The following MCTP2 variants were observed in gnomAD, a reference collection of about 807,000 sequenced individuals.
MCTP2 encodes the protein multiple C2 and transmembrane domain-containing protein 2.
In MCTP2, 132 loss-of-function variants were observed where a neutral mutation model predicts 111.6. The observed-to-expected ratio is 1.18, with a 90% CI of 1.03 to 1.37. MCTP2 has a LOEUF of 1.37. Among genes scored for constraint, MCTP2 ranks in the 40% most tolerant of loss-of-function variants. The pLI is 0.00. For missense variants in MCTP2, 1,183 were observed against 1,067.9 expected, an observed-to-expected ratio of 1.11 and a Z score of -1.50; for synonymous variants, 395 against 387.7, an observed-to-expected ratio of 1.02 and a Z score of -0.22.
At chr15:94,433,458 A>G (rs2083298178) in intron 17 of MCTP2, among the ~76,000 whole-genome samples, 2 of 152,114 alleles carry the variant, frequency 1.3e-5, no homozygotes, top group African/African-American at 4.8e-5. Flanking sequence ...TGGTCCTAAC[A>G]TACGTGATTT....
intron 17 of MCTP2, among the ~76,000 whole-genome samples, chr15:94,406,046 A>G (rs2081880731): frequency 1.3e-5 from 2 of 152,198 alleles, no homozygotes; most frequent in Admixed American, 1.3e-4. Flanking sequence ...ATTTGTAAAT[A>G]TATGTGGTAT....
In MCTP2 at chr15:94,252,208, C is replaced by T. The variant is rs570231427; in HGVS notation, c.-66+20544C>T. ...GAACTGCTACATCATTTTTCCATAGCGGCTGTACCATTTTACATTTCCACC... is the reference window on the plus strand; with the variant it reads ...GAACTGCTACATCATTTTTCCATAGTGGCTGTACCATTTTACATTTCCACC... On this transcript the variant is annotated intron_variant, in intron 1 of 22. Transcript: ENST00000357742. Among the ~76,000 whole-genome samples, 5 of 152,264 alleles carry T rather than the reference C, an allele frequency of 3.3e-5. No homozygotes were observed. In the East Asian group the frequency reaches 5.8e-4, roughly 18 times the overall value.
At chr15:94,334,578 C>A (rs1420560305) in intron 4 of MCTP2, among the ~76,000 whole-genome samples, 1 of 152,202 alleles carries the variant, frequency 6.6e-6, no homozygotes, top group Non-Finnish European at 1.5e-5. Context: ...CCCTGTTAGC[C>A]AGGTTATAGT....
intron 5 of MCTP2, 85 bp from the exon 6 acceptor site, chr15:94,340,114 C>G: frequency 1.1e-6 from 1 of 892,816 alleles, no homozygotes; most frequent in Non-Finnish European, 1.8e-6. Flanking sequence ...TTCAGAATTT[C>G]CAACCTATTG....
intron 22 of MCTP2, among the ~76,000 whole-genome samples, chr15:94,477,668 G>A (rs951483092): frequency 6.6e-6 from 1 of 152,134 alleles, no homozygotes; most frequent in Admixed American, 6.5e-5. Flanking sequence ...TAGCATAATT[G>A]GTTCCCTGGC....
chr15:94,313,996 G>C (rs955725518), intron 2 of MCTP2, among the ~76,000 whole-genome samples: 13 of 152,220 alleles, frequency 8.5e-5, no homozygotes, highest in Non-Finnish European at 8.8e-5. Context: ...CTTTCTCTGG[G>C]AACAAAGCTA....
intron 4 of MCTP2, among the ~76,000 whole-genome samples, chr15:94,322,861 A>C (rs2076689829): frequency 2.0e-5 from 3 of 152,180 alleles, no homozygotes; most frequent in Admixed American, 2.0e-4. Context: ...ACAGCTCACA[A>C]ACCCCAAGAA....
chr15:94,384,139 C>T lies in MCTP2; in HGVS notation c.1685+15C>T. The T allele has an allele frequency of 6.3e-7, 1 of 1,575,172 alleles. No individual in the cohort carries two copies. The highest frequency in any genetic ancestry group is 8.7e-7 in the Non-Finnish European group (1 of 1,146,148). On this transcript the variant is annotated intron_variant, in intron 13 of 22. Transcript: ENST00000357742. ...GTTTTTACATTGTAAGTGCTTTAGC[C>T]TCTGGAATTATTTCTGCTGTGCTTG...
chr15:94,307,354 G>T (rs951110147), intron 2 of MCTP2, among the ~76,000 whole-genome samples: 3 of 152,122 alleles, frequency 2.0e-5, no homozygotes, highest in African/African-American at 7.2e-5. Flanking sequence ...AGATATGGAG[G>T]AGGTGAGGAA....
intron 12 of MCTP2, among the ~76,000 whole-genome samples, chr15:94,375,084 G>T (rs1224615372): frequency 6.6e-6 from 1 of 152,156 alleles, no homozygotes; most frequent in African/African-American, 2.4e-5. Context: ...TGCTTCTTGG[G>T]AAGTCTCAGG....
intron 4 of MCTP2, among the ~76,000 whole-genome samples, chr15:94,328,902 T>C (rs2077012421): frequency 6.6e-6 from 1 of 152,170 alleles, no homozygotes; most frequent in Admixed American, 6.5e-5. Context: ...ATTCCCATAT[T>C]GTGTGTGTGG....
chr15:94,408,239 G>C (rs1360459624), intron 17 of MCTP2, among the ~76,000 whole-genome samples: 1 of 152,092 alleles, frequency 6.6e-6, no homozygotes, highest in African/African-American at 2.4e-5. Context: ...TGCAGTTGAT[G>C]CTCAAAAATT....
chr15:94,350,140 A>G (rs1206118589), intron 8 of MCTP2, among the ~76,000 whole-genome samples: 1 of 152,210 alleles, frequency 6.6e-6, no homozygotes, highest in African/African-American at 2.4e-5. Context: ...GGACTAGAGT[A>G]TAAAGAAAGA....
chr15:94,388,080 GT>G (rs1188136430), intron 14 of MCTP2, among the ~76,000 whole-genome samples: 2 of 152,210 alleles, frequency 1.3e-5, no homozygotes, highest in African/African-American at 4.8e-5. Context: ...AGTGAAAAAG[GT>G]TGAAGTACTT....
At position 94,387,026 on chromosome 15, in the gene MCTP2, A is replaced by G. The variant is rs1157254374; in HGVS notation, c.1788+1501A>G. ...GGCATTTAAAGTAGGCTTTCCCAAAACATTCTACCTCGTATTTTGAAGGAT... is the reference window on the plus strand; with the variant it reads ...GGCATTTAAAGTAGGCTTTCCCAAAGCATTCTACCTCGTATTTTGAAGGAT... On this transcript the variant is annotated intron_variant, in intron 14 of 22. Coordinates refer to ENST00000357742, the MANE Select transcript of MCTP2 (RefSeq NM_001385001.1). 2.0e-5 allele frequency among the ~76,000 whole-genome samples: 3 copies of G among 152,114 alleles called. No individual in the cohort carries two copies. In the East Asian group the frequency reaches 5.8e-4, roughly 29 times the overall value.
intron 1 of MCTP2, among the ~76,000 whole-genome samples, chr15:94,246,375 C>A (rs2072008444): frequency 6.6e-6 from 1 of 152,066 alleles, no homozygotes; most frequent in Non-Finnish European, 1.5e-5. Context: ...TCTAATAGTA[C>A]CTACCTTATA....
Position 94,480,308 on chromosome 15 carries a change from T to C in MCTP2, c.*1274T>C, listed in dbSNP as rs1270281293. The C allele has an allele frequency of 6.6e-6, 1 of 151,736 alleles. No homozygotes were observed. Among genetic ancestry groups the C allele is most frequent in the East Asian group, 1.9e-4 (1 of 5,172 alleles). 9.4% of individuals were successfully genotyped at this position (151,736 alleles called of 1,614,324 possible). The stretch of plus-strand genomic sequence containing the variant: ...TTAAGGTTAAAAAGATCTCATTTAA[T>C]AGTGAGTTCACTATTTTTTTTTTTT... On this transcript the variant is annotated 3_prime_UTR_variant, in exon 23 of 23. Transcript: ENST00000357742.
rs28628083 is a variant in MCTP2 at position 94,378,323 on chromosome 15, A to G, written c.1583-5699A>G. 8.0e-4 allele frequency among the ~76,000 whole-genome samples: 121 copies of G among 151,676 alleles called. 1 individual carries two copies. The highest frequency in any genetic ancestry group is 2.6e-3 in the African/African-American group (108 of 41,348). Reference sequence around the variant, plus strand: ...GATTGCTTGAGCCCAGGGGTTCCAGACCAGACTGGTCAACATGATGAAACC... The same window carrying G: ...GATTGCTTGAGCCCAGGGGTTCCAGGCCAGACTGGTCAACATGATGAAACC... On this transcript the variant is annotated intron_variant, in intron 12 of 22. Coordinates refer to ENST00000357742, the MANE Select transcript of MCTP2 (RefSeq NM_001385001.1).
In MCTP2 at chr15:94,391,420, A is replaced by G. The variant is rs184965040; in HGVS notation, c.1788+5895A>G. On this transcript the variant is annotated intron_variant, in intron 14 of 22. Coordinates refer to ENST00000357742, the MANE Select transcript of MCTP2 (RefSeq NM_001385001.1). ...TGATTTATAATTAAGCTTTAAAAAA[A>G]GTAAATCTGTTGCCAAGGTTTGGTT... is the stretch of plus-strand genomic sequence containing the variant. 1.4e-3 allele frequency among the ~76,000 whole-genome samples: 206 copies of G among 152,342 alleles called. 1 individual carries two copies. The highest frequency in any genetic ancestry group is 1.9e-3 in the Non-Finnish European group (128 of 68,032).
Sources: allele counts gnomAD v4.1 joint callset (sites outside exome capture counted in the v4.1 genomes callset), GRCh38; gene constraint gnomAD v4.1.1; transcripts MANE v1.5; gene names NCBI Gene and HGNC (gene_info 2026-07-23, HGNC 2026-07-21).